LNX2: variants seen among roughly 807,000 people sequenced by gnomAD.
LNX2 encodes the protein ligand of Numb protein X 2.
LNX2 carries 35 observed loss-of-function variants against 66.2 expected under a neutral mutation model. The observed-to-expected ratio is 0.53, with a 90% CI of 0.40 to 0.70. The LOEUF is 0.70. Ranked by LOEUF, LNX2 falls within the 30% of genes least tolerant of loss-of-function variation. The probability of loss-of-function intolerance (pLI) is 0.00; values close to 1 mark genes in which losing one functional copy is unlikely to be tolerated. For missense variants in LNX2, 791 were observed against 850.8 expected (o/e 0.93, Z 0.87); for synonymous variants, 337 against 315.6 (o/e 1.07, Z -0.72).
rs771224774 is a variant in LNX2 at position 27,548,296 on chromosome 13, A to T, written c.*39T>A. The T allele has an allele frequency of 1.3e-6, 2 of 1,589,270 alleles. No individual in the cohort carries two copies. Among genetic ancestry groups the T allele is most frequent in the African/African-American group, 2.7e-5 (2 of 73,776 alleles). On this transcript the variant is annotated 3_prime_UTR_variant, in exon 10 of 10. Transcript: ENST00000316334. ...CAAAGGGTTTTCTTTCAAAAATCTAAAAAAGGAAGATGCAAGATTTGAAAC... is the reference window on the plus strand; with the variant it reads ...CAAAGGGTTTTCTTTCAAAAATCTATAAAAGGAAGATGCAAGATTTGAAAC...
intron 1 of LNX2, among the ~76,000 whole-genome samples, chr13:27,596,847 A>C (rs928618220): frequency 4.6e-5 from 7 of 152,212 alleles, no homozygotes; most frequent in South Asian, 2.1e-4. Flanking sequence ...CCAACATAAC[A>C]AAGAGGCTTT....
In LNX2 at chr13:27,576,576, A is replaced by G. The variant is rs114621492; in HGVS notation, c.407+4721T>C. Among the ~76,000 whole-genome samples the G allele has an allele frequency of 5.6e-3, 841 of 151,244 alleles. 9 individuals carry two copies. The highest frequency in any genetic ancestry group is 0.019 in the African/African-American group (800 of 41,164). On this transcript the variant is annotated intron_variant, in intron 2 of 9. Transcript: ENST00000316334. ...TACTAAAAGCACAAAAAAAAAAAAA[A>G]TTAGTTGGGCATGGTGGAGTGCGCC... is the stretch of plus-strand genomic sequence containing the variant.
rs185438803 is a variant in LNX2, at chr13:27,548,537, T to C, written c.1938-67A>G. ...GGTATTAAAAATATCCCAATTGAGA[T>C]TTATGTAGCATGAAAAATGCGGTTT... On this transcript the variant is annotated intron_variant, in intron 9 of 9. Coordinates refer to ENST00000316334, the MANE Select transcript of LNX2 (RefSeq NM_153371.4). 5.3e-5 allele frequency: 81 copies of C among 1,520,846 alleles called. No individual in the cohort carries two copies. In the East Asian group the frequency reaches 1.7e-3, roughly 33 times the overall value. 94.2% of individuals were successfully genotyped at this position (1,520,846 alleles called of 1,614,324 possible).
chr13:27,603,418 CA>C (rs35688686), intron 1 of LNX2, among the ~76,000 whole-genome samples: 10,901 of 152,246 alleles, frequency 0.072, 444 homozygotes, highest in South Asian at 0.14. Context: ...TACAATTGCA[CA>C]TTCTGAATTA....
At chr13:27,579,478 A>C (rs1174301663) in intron 2 of LNX2, among the ~76,000 whole-genome samples, 3 of 152,332 alleles carry the variant, frequency 2.0e-5, no homozygotes, top group Non-Finnish European at 2.9e-5. Flanking sequence ...CTGGAAAATG[A>C]AACCTTCAAC....
intron 1 of LNX2, among the ~76,000 whole-genome samples, chr13:27,598,590 T>G (rs112679057): frequency 0.044 from 6,690 of 151,832 alleles, 209 homozygotes; most frequent in Non-Finnish European, 0.067. Flanking sequence ...AAGATAACCC[T>G]GAGATGGATA....
chr13:27,569,011 G>GAGTTGC lies in LNX2; in HGVS notation c.655+12_655+17dup. ...AGGAAATAGAGATGAAATACACAAGGAGTTGCACCACACATACTGTCAGCT... is the reference window on the plus strand; with the variant it reads ...AGGAAATAGAGATGAAATACACAAGGAGTTGCAGTTGCACCACACATACTGTCAGCT... On this transcript the variant is annotated intron_variant, in intron 3 of 9. Transcript: ENST00000316334. 2 of 1,602,204 alleles carry GAGTTGC rather than the reference G, an allele frequency of 1.2e-6. No individual in the cohort carries two copies. The highest frequency in any genetic ancestry group is 1.7e-6 in the Non-Finnish European group (2 of 1,175,814).
In LNX2 at chr13:27,562,730, G is replaced by T. The variant is rs865859397; in HGVS notation, c.907C>A (p.Leu303Ile). Residue 303 changes from leucine (L) to isoleucine (I), a missense_variant, in exon 5 of 10, where the codon CTT becomes ATT. Transcript: ENST00000316334. ...NVSHNYARAVLSQPCNTLHLT... is the reference protein window; with the variant it reads ...NVSHNYARAVISQPCNTLHLT... ...TGCAGTGTGTTGCAGGGCTGGGAAA[G>T]GACAGCTCGGGCATAGTTATGGGAC... The T allele has an allele frequency of 1.2e-6, 2 of 1,614,124 alleles. No individual in the cohort carries two copies. Among genetic ancestry groups the T allele is most frequent in the Admixed American group, 3.3e-5 (2 of 60,018 alleles).
chr13:27,574,262 T>G (rs1593248006), intron 2 of LNX2, among the ~76,000 whole-genome samples: 1 of 152,184 alleles, frequency 6.6e-6, no homozygotes, highest in Admixed American at 6.5e-5. Context: ...CTGAACAATA[T>G]GGTGAAACCC....
rs542442084 is a variant in LNX2 at position 27,571,353 on chromosome 13, AAC to A, written c.408-2079_408-2078del. 5.3e-4 allele frequency among the ~76,000 whole-genome samples: 81 copies of A among 152,360 alleles called. No homozygotes were observed. In the South Asian group the frequency reaches 5.8e-3, roughly 11 times the overall value. ...GCAATTAGAAGGTAACCTCAGAAAG[AAC>A]ACTTTCACTGATGAGGGCAAAAGCC... On this transcript the variant is annotated intron_variant, in intron 2 of 9. Transcript: ENST00000316334.
rs1050582405 is a variant in LNX2, at chr13:27,619,853, A to G, written c.-101+522T>C. 3.3e-5 allele frequency among the ~76,000 whole-genome samples: 5 copies of G among 152,066 alleles called. No individual in the cohort carries two copies. The South Asian group carries it at 1.0e-3, about 31-fold the overall frequency. ...CTGGAAGATGTCAAATCTCTCTCCC[A>G]CCCTCTCCAGCCTAAAGAGAAAGGT... On this transcript the variant is annotated intron_variant, in intron 1 of 9. Coordinates refer to ENST00000316334, the MANE Select transcript of LNX2 (RefSeq NM_153371.4).
chr13:27,611,274 G>A (rs1224744226), intron 1 of LNX2, among the ~76,000 whole-genome samples: 1 of 152,182 alleles, frequency 6.6e-6, no homozygotes, highest in Non-Finnish European at 1.5e-5. Flanking sequence ...GCTTTACAAA[G>A]GAAGGAAATT....
At position 27,579,376 on chromosome 13, in the gene LNX2, A is replaced by C. The variant is rs183186185; in HGVS notation, c.407+1921T>G. Among the ~76,000 whole-genome samples the C allele has an allele frequency of 3.5e-3, 529 of 152,306 alleles. 3 individuals carry two copies. Among genetic ancestry groups the C allele is most frequent in the African/African-American group, 0.012 (511 of 41,572 alleles). On this transcript the variant is annotated intron_variant, in intron 2 of 9. Coordinates refer to ENST00000316334, the MANE Select transcript of LNX2 (RefSeq NM_153371.4). Reference sequence around the variant, plus strand: ...TATCAGGCAAATCACCACCTTTTCCAATCATCCATCTTTTCACTGTATCTT... The same window carrying C: ...TATCAGGCAAATCACCACCTTTTCCCATCATCCATCTTTTCACTGTATCTT...
chr13:27,558,736 G>A (rs188463804), intron 6 of LNX2, among the ~76,000 whole-genome samples: 343 of 152,052 alleles, frequency 2.3e-3, no homozygotes, highest in African/African-American at 7.8e-3. Context: ...ATACATTTTG[G>A]TTTTGCTCAG....
At chr13:27,557,560 A>T (rs1012524968) in intron 6 of LNX2, among the ~76,000 whole-genome samples, 1 of 152,098 alleles carries the variant, frequency 6.6e-6, no homozygotes, top group South Asian at 2.1e-4. Context: ...AGATAATTAA[A>T]ATTGTTAATA....
intron 1 of LNX2, among the ~76,000 whole-genome samples, chr13:27,603,704 A>G (rs1955682950): frequency 6.6e-6 from 1 of 152,024 alleles, no homozygotes; most frequent in Admixed American, 6.5e-5. Context: ...GCCAATCCCT[A>G]CATAGTTACT....
At chr13:27,600,343 G>A (rs1010616302) in intron 1 of LNX2, among the ~76,000 whole-genome samples, 8 of 152,154 alleles carry the variant, frequency 5.3e-5, no homozygotes, top group African/African-American at 1.9e-4. Flanking sequence ...CTAGTGTCTT[G>A]TACTGGACAA....
At chr13:27,557,217 T>C (rs1039086056) in intron 6 of LNX2, among the ~76,000 whole-genome samples, 3 of 152,096 alleles carry the variant, frequency 2.0e-5, no homozygotes, top group Non-Finnish European at 2.9e-5. Context: ...TGCCTTTACA[T>C]GCATTATTTC....
intron 1 of LNX2, among the ~76,000 whole-genome samples, chr13:27,606,078 T>C (rs1221983893): frequency 6.6e-6 from 1 of 152,142 alleles, no homozygotes. Context: ...AAAGGGACAA[T>C]CTGCAGACTT....
Sources: allele counts gnomAD v4.1 joint callset (sites outside exome capture counted in the v4.1 genomes callset), GRCh38; gene constraint gnomAD v4.1.1; transcripts MANE v1.5; gene names NCBI Gene and HGNC (gene_info 2026-07-23, HGNC 2026-07-21).